The following SPRING1 variants were observed in gnomAD, a reference collection of about 807,000 sequenced individuals.
The protein encoded by SPRING1 is SREBP regulating gene protein.
A neutral mutation model predicts 24.7 loss-of-function variants in SPRING1; 14 were observed. That is an observed-to-expected ratio of 0.57 (90% CI 0.37 to 0.88). SPRING1 has a LOEUF of 0.88. Ranked by LOEUF, SPRING1 falls within the 40% of genes least tolerant of loss-of-function variation. The probability of loss-of-function intolerance (pLI) is 0.00; values close to 1 mark genes in which losing one functional copy is unlikely to be tolerated. For missense variants in SPRING1, 255 were observed against 268.4 expected (o/e 0.95, Z 0.35); for synonymous variants, 93 against 106.1 (o/e 0.88, Z 0.76).
At position 116,719,802 on chromosome 12, in the gene SPRING1, G is replaced by A. The variant is rs1870328854; in HGVS notation, c.495C>T (p.His165=). The A allele has an allele frequency of 6.8e-6, 11 of 1,614,076 alleles. No individual in the cohort carries two copies. Among genetic ancestry groups the A allele is most frequent in the African/African-American group, 1.3e-5 (1 of 74,932 alleles). ...FQNLFMAVED[H]FELCLAKCRT... ...TGCATTTGGCCAGGCACAACTCAAA[G>A]TGATCTTCGACTGCCATGAAGAGGT... is the stretch of plus-strand genomic sequence containing the variant. The change falls in exon 4 of 5, where the codon CAC becomes CAT. Residue 165 remains histidine (H), a synonymous_variant. Transcript: ENST00000261318.
At chr12:116,721,961 G>C (rs1268408739) in intron 2 of SPRING1, among the ~76,000 whole-genome samples, 2 of 152,082 alleles carry the variant, frequency 1.3e-5, no homozygotes, top group African/African-American at 2.4e-5. Context: ...CTCTCATCTT[G>C]TATCAGACAT....
At chr12:116,731,844 C>A (rs961415959) in intron 1 of SPRING1, among the ~76,000 whole-genome samples, 1 of 152,210 alleles carries the variant, frequency 6.6e-6, no homozygotes, top group Admixed American at 6.5e-5. Context: ...ACAAGTCTAA[C>A]ATGGGTAAGC....
rs1056937210 is a variant in SPRING1 at position 116,738,032 on chromosome 12, G to A, written c.-132C>T. ...CGCCGGCCCCGCCGCCCGCAGCCCA[G>A]TCTGCTCCCGGCAGCCTTGGGCGCA... On this transcript the variant is annotated 5_prime_UTR_variant, in exon 1 of 5. Transcript: ENST00000261318. The A allele has an allele frequency of 1.3e-5, 14 of 1,099,322 alleles. No homozygotes were observed. Among genetic ancestry groups the A allele is most frequent in the Non-Finnish European group, 1.5e-5 (14 of 903,650 alleles). The allele number at this position is 1,099,322 out of a possible 1,614,324, so 68.1% of individuals were successfully genotyped here. A position where few individuals can be genotyped will look rare whatever the true frequency, so the allele number is the denominator to read the frequency against.
At chr12:116,732,347 G>A (rs868471959) in intron 1 of SPRING1, among the ~76,000 whole-genome samples, 14 of 152,098 alleles carry the variant, frequency 9.2e-5, no homozygotes, top group Non-Finnish European at 2.1e-4. Flanking sequence ...AGGCCGAGGC[G>A]GGTGGATTGT....
In SPRING1 at chr12:116,715,374, A is replaced by G. The variant is rs779773928; in HGVS notation, c.*2436T>C. On this transcript the variant is annotated 3_prime_UTR_variant, in exon 5 of 5. Transcript: ENST00000261318. Reference sequence around the variant, plus strand: ...CTAGAAACCCTCGGTCGAGGGAACCACAAACCAACCAGAGTGGAGGGCAGG... The same window carrying G: ...CTAGAAACCCTCGGTCGAGGGAACCGCAAACCAACCAGAGTGGAGGGCAGG... 3.3e-5 allele frequency: 5 copies of G among 152,376 alleles called. No individual in the cohort carries two copies. Among genetic ancestry groups the G allele is most frequent in the Non-Finnish European group, 7.3e-5 (5 of 68,064 alleles). The allele number at this position is 152,376 out of a possible 1,614,324, so 9.4% of individuals were successfully genotyped here.
At chr12:116,737,767 G>A (rs758966561) in intron 1 of SPRING1, 23 bp downstream of exon 1, 3 of 1,554,140 alleles carry the variant, frequency 1.9e-6, no homozygotes, top group South Asian at 1.1e-5. Context: ...GGGAAGGGGA[G>A]GAGGGGAAGG....
chr12:116,724,923 A>C (rs1470249042), intron 1 of SPRING1, among the ~76,000 whole-genome samples: 1 of 152,214 alleles, frequency 6.6e-6, no homozygotes. Context: ...TTTTTAAAGT[A>C]CCTAGATGAT....
At chr12:116,734,285 C>T (rs764301660) in intron 1 of SPRING1, among the ~76,000 whole-genome samples, 2 of 152,198 alleles carry the variant, frequency 1.3e-5, no homozygotes, top group South Asian at 4.1e-4. Flanking sequence ...GTATTCAGTA[C>T]AGTCACATGC....
rs934927537 is a variant in SPRING1 at position 116,717,948 on chromosome 12, C to T, written c.535-55G>A. The T allele has an allele frequency of 7.2e-7, 1 of 1,386,212 alleles. No homozygotes were observed. Among genetic ancestry groups the T allele is most frequent in the Non-Finnish European group, 9.8e-7 (1 of 1,019,412 alleles). The allele number at this position is 1,386,212 out of a possible 1,614,324, so 85.9% of individuals were successfully genotyped here. On this transcript the variant is annotated intron_variant, in intron 4 of 4. Transcript: ENST00000261318. The surrounding 1 kb of genome is among the most constrained non-coding windows in gnomAD (Gnocchi z 4.2). The stretch of plus-strand genomic sequence containing the variant: ...TGAGAGCGAGCACAGCTTCACACAC[C>T]TCCCTCTCGGAAGAGTGAGAGTGGA...
At chr12:116,726,589 G>A (rs976377133) in intron 1 of SPRING1, among the ~76,000 whole-genome samples, 3 of 152,134 alleles carry the variant, frequency 2.0e-5, no homozygotes, top group African/African-American at 7.2e-5. Context: ...AGCCCTGGGA[G>A]TATGGGACAA....
intron 1 of SPRING1, among the ~76,000 whole-genome samples, chr12:116,734,067 G>T (rs759184280): frequency 6.6e-6 from 1 of 152,130 alleles, no homozygotes; most frequent in African/African-American, 2.4e-5. Context: ...AGTAGAGATG[G>T]GGTTTTGCCA....
chr12:116,728,368 C>T lies in SPRING1; in HGVS notation c.112-5145G>A, dbSNP rs892579822. Reference sequence around the variant, plus strand: ...TGCCCACTCTGTCTCTGCCATCCAGCAGAACAGTGCCTGGCACACAGTTGG... The same window carrying T: ...TGCCCACTCTGTCTCTGCCATCCAGTAGAACAGTGCCTGGCACACAGTTGG... On this transcript the variant is annotated intron_variant, in intron 1 of 4. Coordinates refer to ENST00000261318, the MANE Select transcript of SPRING1 (RefSeq NM_024738.4). The surrounding 1 kb of genome is among the most constrained non-coding windows in gnomAD (Gnocchi z 4.2). Among the ~76,000 whole-genome samples, 1 of 152,184 alleles carries T rather than the reference C, an allele frequency of 6.6e-6. No homozygotes were observed. Among genetic ancestry groups the T allele is most frequent in the Non-Finnish European group, 1.5e-5 (1 of 68,026 alleles).
chr12:116,732,694 G>C (rs1871037532), intron 1 of SPRING1, among the ~76,000 whole-genome samples: 1 of 152,122 alleles, frequency 6.6e-6, no homozygotes, highest in Admixed American at 6.6e-5. Context: ...GTGACAGAGT[G>C]AGACCCCATC....
chr12:116,733,285 C>T (rs555057287), intron 1 of SPRING1, among the ~76,000 whole-genome samples: 4 of 151,684 alleles, frequency 2.6e-5, no homozygotes, highest in East Asian at 1.9e-4. Context: ...TGGGTTCAAG[C>T]GATTCTCCTG....
intron 1 of SPRING1, among the ~76,000 whole-genome samples, chr12:116,734,208 G>C (rs983004824): frequency 3.9e-5 from 6 of 152,098 alleles, no homozygotes; most frequent in African/African-American, 1.4e-4. Context: ...TATTTTTACT[G>C]TACCTTTTCT....
intron 1 of SPRING1, among the ~76,000 whole-genome samples, chr12:116,735,145 G>A (rs1257631792): frequency 6.6e-6 from 1 of 152,148 alleles, no homozygotes; most frequent in Non-Finnish European, 1.5e-5. Flanking sequence ...AAAGAATGAA[G>A]TGGCTTTAAT....
Position 116,715,774 on chromosome 12 carries a change from T to TC in SPRING1, c.*2035dup, listed in dbSNP as rs958206887. 2 of 152,164 alleles carry TC rather than the reference T, an allele frequency of 1.3e-5. No individual in the cohort carries two copies. The highest frequency in any genetic ancestry group is 6.5e-5 in the Admixed American group (1 of 15,282). 9.4% of individuals were successfully genotyped at this position (152,164 alleles called of 1,614,324 possible). On this transcript the variant is annotated 3_prime_UTR_variant, in exon 5 of 5. Transcript: ENST00000261318. ...TCTCAGCGGGGACCCAGGAAGTCAC[T>TC]CCACCTCTCATAGTTCCTCATCCAC...
chr12:116,719,747 C>T lies in SPRING1; in HGVS notation c.534+16G>A. The T allele has an allele frequency of 6.2e-7, 1 of 1,603,192 alleles. No homozygotes were observed. The highest frequency in any genetic ancestry group is 8.5e-7 in the Non-Finnish European group (1 of 1,170,418). On this transcript the variant is annotated intron_variant, in intron 4 of 4. Transcript: ENST00000261318. ...TCAGCTGCCATCCCACAGCTAGAGA[C>T]ATCACAGCTTCTGACCTGAGATGAG... is the stretch of plus-strand genomic sequence containing the variant.
rs1490802329 is a variant in SPRING1, at chr12:116,728,642, G to A, written c.112-5419C>T. ...TGCGCCATGAGTTTCCAGTCTCACC[G>A]CAGCGGAGCTAAGGTGCACGGGGAG... On this transcript the variant is annotated intron_variant, in intron 1 of 4. Coordinates refer to ENST00000261318, the MANE Select transcript of SPRING1 (RefSeq NM_024738.4). This position sits in a 1 kb window ranked among gnomAD's most constrained non-coding sequence, Gnocchi z 4.2. Among the ~76,000 whole-genome samples the A allele has an allele frequency of 2.0e-5, 3 of 152,244 alleles. No homozygotes were observed. The highest frequency in any genetic ancestry group is 1.9e-4 in the East Asian group (1 of 5,200).
Sources: gnomAD v4.1 joint callset for allele counts (sites outside exome capture counted in the v4.1 genomes callset) on GRCh38, gnomAD v4.1.1 for gene constraint, Gnocchi (gnomAD v3.1) non-coding constraint, MANE v1.5 for transcripts, NCBI Gene and HGNC (gene_info 2026-07-23, HGNC 2026-07-21) for gene names.